Variants in SHOC1 observed in about 807,000 individuals in gnomAD.
SHOC1 encodes protein shortage in chiasmata 1 ortholog.
Under a neutral mutation model 179.2 loss-of-function variants are expected in SHOC1, and 136 were observed. The ratio of observed to expected loss-of-function variants is 0.76; its 90% CI spans 0.66 to 0.87. The LOEUF (loss-of-function observed/expected upper bound fraction) is 0.87, where lower values mean the gene tolerates loss of function less well. Ranked by LOEUF, SHOC1 falls within the 40% of genes least tolerant of loss-of-function variation. The probability of loss-of-function intolerance (pLI) is 0.00; values close to 1 mark genes in which losing one functional copy is unlikely to be tolerated. For synonymous variants in SHOC1, 489 were observed against 586.6 expected (o/e 0.83, Z 2.41); for missense variants, 1,538 against 1,700.8 (o/e 0.90, Z 1.68).
chr9:111,781,243 T>C (rs1352711519), intron 3 of SHOC1: 3 of 444,070 alleles, frequency 6.8e-6, no homozygotes, highest in Admixed American at 3.9e-5. Context: ...CCTGAACATA[T>C]CACCCTCATT....
At chr9:111,689,940 A>G (rs1474930420) in intron 27 of SHOC1, among the ~76,000 whole-genome samples, 2 of 152,218 alleles carry the variant, frequency 1.3e-5, no homozygotes, top group Admixed American at 6.5e-5. Flanking sequence ...CCTGTGTTCA[A>G]GAACATATAG....
At chr9:111,703,718 A>G (rs936844638) in intron 22 of SHOC1, among the ~76,000 whole-genome samples, 163 bp downstream of exon 22, 1 of 152,214 alleles carries the variant, frequency 6.6e-6, no homozygotes, top group African/African-American at 2.4e-5. Context: ...GAAGTTTGAT[A>G]ATAGTCATTT....
chr9:111,772,972 T>A, intron 5 of SHOC1, among the ~76,000 whole-genome samples: 1 of 151,246 alleles, frequency 6.6e-6, no homozygotes, highest in Non-Finnish European at 1.5e-5. Flanking sequence ...ACCATGAGTT[T>A]GGGGAAGATT....
Position 111,686,712 on chromosome 9 carries a change from T to C in SHOC1, c.*58A>G. The C allele has an allele frequency of 9.5e-7, 1 of 1,056,712 alleles. No individual in the cohort carries two copies. The highest frequency in any genetic ancestry group is 1.5e-6 in the Non-Finnish European group (1 of 680,968). The allele number at this position is 1,056,712 out of a possible 1,614,324, so 65.5% of individuals were successfully genotyped here. On this transcript the variant is annotated 3_prime_UTR_variant, in exon 28 of 28. Coordinates refer to ENST00000682961, the MANE Select transcript of SHOC1 (RefSeq NM_001378211.1). Reference sequence around the variant, plus strand: ...TATGAGCAAATCTAAATAATTGCGCTAGTGGATTAGCATCAAAAACAGTGG... The same window carrying C: ...TATGAGCAAATCTAAATAATTGCGCCAGTGGATTAGCATCAAAAACAGTGG...
At chr9:111,781,286 C>A (rs1449024782) in intron 3 of SHOC1, among the ~76,000 whole-genome samples, 2 of 152,114 alleles carry the variant, frequency 1.3e-5, no homozygotes, top group African/African-American at 4.8e-5. Context: ...ACAGCACTAC[C>A]ATCCCAAATA....
rs375799601 is a variant in SHOC1 at position 111,781,019 on chromosome 9, T to C, written c.170-2A>G. The C allele has an allele frequency of 1.9e-5, 30 of 1,607,314 alleles. No individual in the cohort carries two copies. The highest frequency in any genetic ancestry group is 4.3e-6 in the Non-Finnish European group (5 of 1,174,856). On this transcript the variant is annotated splice_acceptor_variant, in intron 3 of 27. Transcript: ENST00000682961. LOFTEE classifies it high-confidence loss of function. ...TTCCCGGAACTGAAACAGCTGAGAC[T>C]AGAAAGGATAATAGTTAACATTAAT... is the stretch of plus-strand genomic sequence containing the variant.
At chr9:111,770,610 T>A (rs1835563344) in intron 5 of SHOC1, among the ~76,000 whole-genome samples, 1 of 152,184 alleles carries the variant, frequency 6.6e-6, no homozygotes, top group Non-Finnish European at 1.5e-5. Flanking sequence ...GTCTGGATGA[T>A]CTGTCCATTA....
intron 20 of SHOC1, 59 bp from the exon 21 acceptor site, chr9:111,705,423 CTTT>C (rs34081368): frequency 7.5e-6 from 4 of 533,146 alleles, no homozygotes; most frequent in Non-Finnish European, 1.2e-5. Context: ...AGCTCTTTCT[CTTT>C]TTTTTTTTAC....
At chr9:111,719,077 G>C (rs900068074) in intron 15 of SHOC1, among the ~76,000 whole-genome samples, 1 of 152,148 alleles carries the variant, frequency 6.6e-6, no homozygotes, top group Non-Finnish European at 1.5e-5. Context: ...AAGAGGGAAA[G>C]CCAATTATGG....
intron 8 of SHOC1, among the ~76,000 whole-genome samples, chr9:111,748,906 C>T (rs1029639301): frequency 2.5e-5 from 3 of 119,820 alleles, no homozygotes; most frequent in African/African-American, 9.4e-5. Context: ...TTTCTTTCTT[C>T]CCTCCCTTCC....
At chr9:111,782,599 G>A (rs373674419) in intron 3 of SHOC1, among the ~76,000 whole-genome samples, 1 of 152,088 alleles carries the variant, frequency 6.6e-6, no homozygotes, top group Non-Finnish European at 1.5e-5. Context: ...ACCCAGCCGT[G>A]CTAAAGGAAC....
Position 111,693,883 on chromosome 9 carries a change from T to A in SHOC1, c.3381A>T (p.Lys1127Asn). ...ATAATATCCAATGCAGTGAAGGTCC[T>A]TTATTTAGCATGAGCTGAGCCACCA... ...NPLVAQLMLN[K>N]GPSLHWILLA... is the part of the protein sequence containing the mutation. Residue 1127 changes from lysine to asparagine, a missense_variant, in exon 26 of 28, where the codon AAA (lysine) becomes AAT (asparagine). Physicochemically the swap from Lys to Asn is moderately conservative, Grantham distance 94. Coordinates refer to ENST00000682961, the MANE Select transcript of SHOC1 (RefSeq NM_001378211.1). 1 of 1,611,930 alleles carries A rather than the reference T, an allele frequency of 6.2e-7. No individual in the cohort carries two copies. The highest frequency in any genetic ancestry group is 8.5e-7 in the Non-Finnish European group (1 of 1,178,164).
chr9:111,715,392 G>A (rs1186845195), intron 16 of SHOC1, among the ~76,000 whole-genome samples: 1 of 152,108 alleles, frequency 6.6e-6, no homozygotes, highest in Non-Finnish European at 1.5e-5. Context: ...ATGTATGTGT[G>A]CATATTAATT....
chr9:111,760,491 G>C (rs1835087407), intron 5 of SHOC1, among the ~76,000 whole-genome samples: 1 of 152,046 alleles, frequency 6.6e-6, no homozygotes, highest in African/African-American at 2.4e-5. Flanking sequence ...GCAGAAAAAG[G>C]TCTACTAATA....
intron 5 of SHOC1, among the ~76,000 whole-genome samples, chr9:111,772,063 T>C (rs1379216910): frequency 6.6e-6 from 1 of 152,170 alleles, no homozygotes; most frequent in Non-Finnish European, 1.5e-5. Flanking sequence ...TAATTTTCTA[T>C]ATCTTGTAGG....
At chr9:111,697,744 C>G (rs559457091) in intron 24 of SHOC1, among the ~76,000 whole-genome samples, 1 of 152,268 alleles carries the variant, frequency 6.6e-6, no homozygotes, top group African/African-American at 2.4e-5. Context: ...ATTTCTAGTT[C>G]TAGATCCTAG....
chr9:111,723,978 A>AT (rs1026582822), intron 13 of SHOC1, 67 bp from the exon 14 acceptor site: 18 of 1,198,110 alleles, frequency 1.5e-5, no homozygotes, highest in Middle Eastern at 2.8e-4. Context: ...TTTTACCTTA[A>AT]TTTTTTTTCT....
In SHOC1 at chr9:111,769,994, T is replaced by A. The variant is rs959574556; in HGVS notation, c.442+5797A>T. Among the ~76,000 whole-genome samples, 2 of 146,730 alleles carry A rather than the reference T, an allele frequency of 1.4e-5. 1 individual carries two copies. The highest frequency in any genetic ancestry group is 5.1e-5 in the African/African-American group (2 of 39,540). On this transcript the variant is annotated intron_variant, in intron 5 of 27. Coordinates refer to ENST00000682961, the MANE Select transcript of SHOC1 (RefSeq NM_001378211.1). ...TCTTCTGTTTTTTTTTTGTTTTTTT[T>A]TTTTTTTTTTTTTTAGTCTTAGTTT...
In SHOC1 at chr9:111,781,000, G is replaced by T; in HGVS notation, c.187C>A (p.Pro63Thr). Residue 63 changes from proline (P) to threonine (T), a missense_variant, in exon 4 of 28, where the codon CCG becomes ACG. Pro to Thr is a conservative substitution (Grantham distance 38). Coordinates refer to ENST00000682961, the MANE Select transcript of SHOC1 (RefSeq NM_001378211.1). ...PWTRVSAVSV[P>T]GMTDTSVLDQ... ...AAGACTGAGGTATCTGTCATTCCCG[G>T]AACTGAAACAGCTGAGACTAGAAAG... 4 of 1,612,682 alleles carry T rather than the reference G, an allele frequency of 2.5e-6. No homozygotes were observed. Among genetic ancestry groups the T allele is most frequent in the Non-Finnish European group, 3.4e-6 (4 of 1,179,168 alleles).
Sources: gnomAD v4.1 joint callset for allele counts (sites outside exome capture counted in the v4.1 genomes callset) on GRCh38, gnomAD v4.1.1 for gene constraint, MANE v1.5 for transcripts, NCBI Gene and HGNC (gene_info 2026-07-23, HGNC 2026-07-21) for gene names.